Variants in IARS1 observed in about 807,000 individuals in gnomAD.
The protein encoded by IARS1 is isoleucyl-tRNA synthetase 1, also known as isoleucine--tRNA ligase, cytoplasmic.
Under a neutral mutation model 168.2 loss-of-function variants are expected in IARS1, and 124 were observed. That is an observed-to-expected ratio of 0.74 (90% CI 0.64 to 0.86). The LOEUF (loss-of-function observed/expected upper bound fraction) is 0.86. IARS1 is among the 40% of genes least tolerant of loss of function. The probability of loss-of-function intolerance (pLI) is 0.00; values close to 1 mark genes in which losing one functional copy is unlikely to be tolerated. For synonymous variants in IARS1, 532 were observed against 529.4 expected (o/e 1.00, Z -0.07); for missense variants, 1,452 against 1,515.8 (o/e 0.96, Z 0.70).
At chr9:92,278,754 T>C (rs1187637562) in intron 7 of IARS1, among the ~76,000 whole-genome samples, 2 of 152,214 alleles carry the variant, frequency 1.3e-5, no homozygotes, top group African/African-American at 4.8e-5. Context: ...TTCTATCTGA[T>C]TTTGTAGCTT....
chr9:92,228,862 G>T (rs779439817), intron 31 of IARS1, 139 bp downstream of exon 31: 56 of 854,624 alleles, frequency 6.6e-5, no homozygotes, highest in Non-Finnish European at 9.4e-5. Flanking sequence ...CTGCAGGCAG[G>T]CACTGCTGAA....
chr9:92,252,312 T>G, intron 21 of IARS1: 1 of 471,078 alleles, frequency 2.1e-6, no homozygotes, highest in South Asian at 1.6e-5. Context: ...TCATTGAAAT[T>G]TTTTCATTAT....
In IARS1 at chr9:92,243,279, C is replaced by T; in HGVS notation, c.2937G>A (p.Gln979=). 1 of 1,613,576 alleles carries T rather than the reference C, an allele frequency of 6.2e-7. No individual in the cohort carries two copies. The highest frequency in any genetic ancestry group is 1.1e-5 in the South Asian group (1 of 91,078). Residue 979 remains glutamine, a synonymous_variant, in exon 28 of 34, where the codon CAG becomes CAA. Transcript: ENST00000443024. ...GAGCCATTCCTTCATCTACCATTGA[C>T]TGGTCAGGAGTGACATCTAAGAGGA... ...ALVLLDVTPD[Q]SMVDEGMARE... is the part of the protein sequence containing the mutation.
At chr9:92,291,632 C>A (rs934060929) in intron 1 of IARS1, among the ~76,000 whole-genome samples, 6 of 152,168 alleles carry the variant, frequency 3.9e-5, no homozygotes, top group Admixed American at 2.6e-4. Flanking sequence ...TAACCTCTAG[C>A]CTTTCAAGGA....
In IARS1 at chr9:92,223,394, G is replaced by T. The variant is rs1259829232; in HGVS notation, c.3505C>A (p.Leu1169Ile). 6.2e-7 allele frequency: 1 copy of T among 1,613,236 alleles called. No homozygotes were observed. The highest frequency in any genetic ancestry group is 8.5e-7 in the Non-Finnish European group (1 of 1,179,462). ...TGTAGGTTGATATACTGACAAAGAA[G>T]AGTACTAGAACTGTTGATCAGAGAG... Reference protein sequence around the residue: ...APSLINSSSTLLCQYINLQLL... With the variant: ...APSLINSSSTILCQYINLQLL... Residue 1169 changes from leucine (L) to isoleucine (I), a missense_variant, in exon 32 of 34, where the codon CTT becomes ATT. Physicochemically the swap from Leu to Ile is conservative, Grantham distance 5 (BLOSUM62 2). Coordinates refer to ENST00000443024, the MANE Select transcript of IARS1 (RefSeq NM_002161.6).
chr9:92,250,415 C>A, intron 23 of IARS1, 126 bp from the exon 24 acceptor site: 3 of 708,978 alleles, frequency 4.2e-6, no homozygotes. Flanking sequence ...CCTGGTGAAG[C>A]ACTGGGGAAG....
intron 30 of IARS1, among the ~76,000 whole-genome samples, chr9:92,234,920 T>G (rs1358370309): frequency 6.6e-6 from 1 of 151,866 alleles, no homozygotes; most frequent in East Asian, 1.9e-4. Context: ...CTCGGCTCAC[T>G]GCAACCTCCG....
intron 30 of IARS1, 33 bp from the exon 31 acceptor site, chr9:92,229,159 A>T: frequency 6.3e-7 from 1 of 1,595,624 alleles, no homozygotes; most frequent in Non-Finnish European, 8.5e-7. Context: ...CCTCAATCAG[A>T]CAAATAAAAC....
chr9:92,262,883 C>T, intron 17 of IARS1, 86 bp downstream of exon 17: 1 of 932,390 alleles, frequency 1.1e-6, no homozygotes, highest in Non-Finnish European at 1.7e-6. Flanking sequence ...CCTGTCACTA[C>T]AACAAAGTTG....
At chr9:92,226,074 C>T (rs758214214) in intron 31 of IARS1, among the ~76,000 whole-genome samples, 29 of 152,218 alleles carry the variant, frequency 1.9e-4, no homozygotes, top group Non-Finnish European at 3.5e-4. Context: ...CCTACCGTGA[C>T]TTTAGGCAGA....
At chr9:92,253,263 C>T (rs1587804550) in intron 21 of IARS1, 99 bp downstream of exon 21, 2 of 743,276 alleles carry the variant, frequency 2.7e-6, no homozygotes, top group East Asian at 2.5e-5. Flanking sequence ...AAACGGAGAG[C>T]AACTGAAAAT....
intron 6 of IARS1, among the ~76,000 whole-genome samples, chr9:92,281,567 C>A (rs1834574062): frequency 1.3e-5 from 2 of 151,888 alleles, no homozygotes. Flanking sequence ...TATCTTTTTG[C>A]CCAAAATACC....
At position 92,280,755 on chromosome 9, in the gene IARS1, T is replaced by G; in HGVS notation, c.736A>C (p.Lys246Gln). The G allele has an allele frequency of 6.2e-7, 1 of 1,607,610 alleles. No homozygotes were observed. The highest frequency in any genetic ancestry group is 8.5e-7 in the Non-Finnish European group (1 of 1,176,792). The change falls in exon 7 of 34, where the codon AAA (lysine) becomes CAA (glutamine). Residue 246 changes from lysine (K) to glutamine (Q), a missense_variant. Coordinates refer to ENST00000443024, the MANE Select transcript of IARS1 (RefSeq NM_002161.6). ...CCAGCCTCCCACTTACCTTTAATTT[T>G]CACATATTGCATTTCTGGATTAACA... ...VCVNPEMQYV[K>Q]IKDVARGRLL...
intron 13 of IARS1, among the ~76,000 whole-genome samples, chr9:92,269,463 C>T (rs1050889775): frequency 6.6e-6 from 1 of 152,146 alleles, no homozygotes; most frequent in South Asian, 2.1e-4. Context: ...TACAGCCAAG[C>T]ACAGGGTACA....
intron 30 of IARS1, among the ~76,000 whole-genome samples, chr9:92,238,310 T>TG (rs1827853701): frequency 6.6e-6 from 1 of 152,204 alleles, no homozygotes; most frequent in African/African-American, 2.4e-5. Context: ...TGTGGGAAAG[T>TG]GGGGCTTAGT....
intron 21 of IARS1, 69 bp downstream of exon 21, chr9:92,253,293 A>C: frequency 1.2e-4 from 104 of 886,584 alleles, no homozygotes; most frequent in Non-Finnish European, 1.8e-4. Context: ...CCTTCTGGCT[A>C]TTCTCATATT....
chr9:92,239,624 G>C (rs1334653898), intron 30 of IARS1, among the ~76,000 whole-genome samples: 3 of 152,262 alleles, frequency 2.0e-5, no homozygotes, highest in Non-Finnish European at 4.4e-5. Context: ...TTTGTAAATG[G>C]GAGGGATGCC....
At position 92,221,885 on chromosome 9, in the gene IARS1, A is replaced by C. The variant is rs78618914; in HGVS notation, c.3706+635T>G. On this transcript the variant is annotated intron_variant, in intron 33 of 33. Coordinates refer to ENST00000443024, the MANE Select transcript of IARS1 (RefSeq NM_002161.6). ...TCAGGCTATTTTACAACCCTGTGAT[A>C]ATTTTGACTTTTGGGGGAAAGAACA... is the stretch of plus-strand genomic sequence containing the variant. Among the ~76,000 whole-genome samples the C allele has an allele frequency of 1.3e-3, 204 of 152,320 alleles. 5 individuals carry two copies. In the East Asian group the frequency reaches 0.036, roughly 27 times the overall value.
At chr9:92,224,918 A>G (rs1441554851) in intron 31 of IARS1, among the ~76,000 whole-genome samples, 1 of 152,174 alleles carries the variant, frequency 6.6e-6, no homozygotes, top group Non-Finnish European at 1.5e-5. Context: ...TGCCCAATGG[A>G]TTGATGAACA....
Sources: allele counts gnomAD v4.1 joint callset (sites outside exome capture counted in the v4.1 genomes callset), GRCh38; gene constraint gnomAD v4.1.1; transcripts MANE v1.5; gene names NCBI Gene and HGNC (gene_info 2026-07-23, HGNC 2026-07-21).